The following PTPRN2 variants were observed in gnomAD, a reference collection of about 807,000 sequenced individuals.
The protein encoded by PTPRN2 is receptor-type tyrosine-protein phosphatase N2.
Under a neutral mutation model 118.8 loss-of-function variants are expected in PTPRN2, and 74 were observed. The observed-to-expected ratio is 0.62, with a 90% confidence interval of 0.52 to 0.76. The LOEUF (loss-of-function observed/expected upper bound fraction) is 0.76, where lower values mean the gene tolerates loss of function less well. Among genes scored for constraint, PTPRN2 ranks in the 30% least tolerant of loss-of-function variants. The probability of loss-of-function intolerance (pLI) is 0.00; values close to 1 mark genes in which losing one functional copy is unlikely to be tolerated. For synonymous variants in PTPRN2, 641 were observed against 608.0 expected (o/e 1.05, Z -0.80); for missense variants, 1,481 against 1,394.4 (o/e 1.06, Z -0.99).
chr7:158,417,956 C>T (rs112622317), intron 2 of PTPRN2, among the ~76,000 whole-genome samples: 18 of 149,844 alleles, frequency 1.2e-4, no homozygotes, highest in African/African-American at 4.2e-4. Flanking sequence ...TGTACTACAT[C>T]GAGATGCTCT....
At chr7:158,263,040 A>AC in intron 3 of PTPRN2, among the ~76,000 whole-genome samples, 1 of 147,988 alleles carries the variant, frequency 6.8e-6, no homozygotes, top group Admixed American at 6.8e-5. Context: ...CATATTCACA[A>AC]AATGCACATA....
intron 1 of PTPRN2, among the ~76,000 whole-genome samples, chr7:158,515,187 AT>A (rs56906268): frequency 0.057 from 7,859 of 138,962 alleles, 538 homozygotes; most frequent in African/African-American, 0.17. Flanking sequence ...CAGTGAGTGT[AT>A]TTTTTTTTTT....
At chr7:157,732,113 C>G in intron 12 of PTPRN2, among the ~76,000 whole-genome samples, 1 of 93,356 alleles carries the variant, frequency 1.1e-5, no homozygotes, top group Non-Finnish European at 2.3e-5. Flanking sequence ...ACGCGCCCAG[C>G]ACAGTTACTC....
chr7:157,572,753 C>T lies in PTPRN2; in HGVS notation c.2784-1260G>A, dbSNP rs148283546. ...GGCGTGCCCACCTGCAGATGGGCCG[C>T]GGCCACAGCCTAGCCAGGACGCACT... is the stretch of plus-strand genomic sequence containing the variant. On this transcript the variant is annotated intron_variant, in intron 19 of 22. Coordinates refer to ENST00000389418, the MANE Select transcript of PTPRN2 (RefSeq NM_002847.5). Among the ~76,000 whole-genome samples, 169 of 152,376 alleles carry T rather than the reference C, an allele frequency of 1.1e-3. 1 individual carries two copies. In the East Asian group the frequency reaches 0.028, roughly 26 times the overall value.
rs113128714 is a variant in PTPRN2 at position 158,264,244 on chromosome 7, C to T, written c.277+52575G>A. ...GAAAATGTCGTGGTAGAAATAAAAC[C>T]ATGCAATTCAGTAGGGGAAATAAAA... is the stretch of plus-strand genomic sequence containing the variant. On this transcript the variant is annotated intron_variant, in intron 3 of 22. Transcript: ENST00000389418. Among the ~76,000 whole-genome samples the T allele has an allele frequency of 8.9e-3, 1,354 of 152,276 alleles. 25 individuals carry two copies. Among genetic ancestry groups the T allele is most frequent in the African/African-American group, 0.031 (1,274 of 41,546 alleles).
chr7:158,252,646 ACCACG>A (rs1332781075), intron 3 of PTPRN2, among the ~76,000 whole-genome samples: 1 of 152,208 alleles, frequency 6.6e-6, no homozygotes, highest in Admixed American at 6.5e-5. Flanking sequence ...CAGGGAAGCC[ACCACG>A]CCAGCTGCAC....
intron 10 of PTPRN2, among the ~76,000 whole-genome samples, chr7:158,091,744 A>G (rs1335978705): frequency 2.5e-5 from 3 of 117,946 alleles, no homozygotes; most frequent in East Asian, 2.8e-4. Context: ...GGGTGGGTGA[A>G]AGATAGGTGA....
At chr7:157,989,842 G>C (rs923118049) in intron 11 of PTPRN2, among the ~76,000 whole-genome samples, 3 of 152,216 alleles carry the variant, frequency 2.0e-5, no homozygotes, top group Admixed American at 6.5e-5. Context: ...TCCCCCGCCT[G>C]CTGGCTGTGT....
chr7:157,853,905 A>T (rs934618273), intron 12 of PTPRN2, among the ~76,000 whole-genome samples: 6 of 152,106 alleles, frequency 3.9e-5, no homozygotes, highest in African/African-American at 1.4e-4. Context: ...GGGGGTCCTT[A>T]TCAAAGGCGG....
intron 12 of PTPRN2, among the ~76,000 whole-genome samples, chr7:157,703,431 G>C (rs1798176356): frequency 6.6e-6 from 1 of 152,186 alleles, no homozygotes; most frequent in African/African-American, 2.4e-5. Context: ...ACAGCCTATA[G>C]GGACGCAGCT....
intron 11 of PTPRN2, among the ~76,000 whole-genome samples, chr7:157,911,146 G>A (rs1482632415): frequency 6.6e-6 from 1 of 152,214 alleles, no homozygotes. Flanking sequence ...CGGTCTCCGT[G>A]CTATCGTGAA....
intron 11 of PTPRN2, among the ~76,000 whole-genome samples, chr7:158,073,068 G>A (rs1161517039): frequency 6.6e-6 from 1 of 152,160 alleles, no homozygotes. Context: ...GGCTGTAGCT[G>A]AGGCAGGATC....
At chr7:157,707,965 A>G (rs1252000492) in intron 12 of PTPRN2, among the ~76,000 whole-genome samples, 3 of 152,254 alleles carry the variant, frequency 2.0e-5, no homozygotes, top group Non-Finnish European at 4.4e-5. Flanking sequence ...ACTCTCAAAA[A>G]TAAAGTCCTT....
chr7:157,753,102 C>T (rs535144137), intron 12 of PTPRN2, among the ~76,000 whole-genome samples: 9 of 152,202 alleles, frequency 5.9e-5, no homozygotes, highest in Non-Finnish European at 1.0e-4. Flanking sequence ...TCCAGGCCTG[C>T]GTGCAGGGGG....
At chr7:158,459,395 G>A (rs1818790891) in intron 2 of PTPRN2, among the ~76,000 whole-genome samples, 1 of 150,650 alleles carries the variant, frequency 6.6e-6, no homozygotes, top group Admixed American at 6.6e-5. Flanking sequence ...CCAGAATCCA[G>A]AGCCCTCGCC....
intron 3 of PTPRN2, among the ~76,000 whole-genome samples, chr7:158,248,068 G>C (rs1796375603): frequency 6.6e-6 from 1 of 152,148 alleles, no homozygotes; most frequent in Non-Finnish European, 1.5e-5. Context: ...AAGAATTAGA[G>C]ACTCCTTGAA....
At chr7:157,979,703 T>C (rs536923017) in intron 11 of PTPRN2, among the ~76,000 whole-genome samples, 1 of 152,296 alleles carries the variant, frequency 6.6e-6, no homozygotes, top group Non-Finnish European at 1.5e-5. Context: ...AACGCCTGCT[T>C]ATGTATTCTG....
intron 3 of PTPRN2, among the ~76,000 whole-genome samples, chr7:158,222,094 C>T (rs760605697): frequency 6.6e-5 from 10 of 152,088 alleles, no homozygotes; most frequent in Admixed American, 6.5e-5. Context: ...GACAAGGTTG[C>T]AGAGAACAGG....
At chr7:158,155,320 C>A (rs1821605904) in intron 6 of PTPRN2, among the ~76,000 whole-genome samples, 1 of 152,206 alleles carries the variant, frequency 6.6e-6, no homozygotes, top group Non-Finnish European at 1.5e-5. Context: ...ATTGTTTTCA[C>A]AAAGACAATG....
Sources: gnomAD v4.1 joint callset for allele counts (sites outside exome capture counted in the v4.1 genomes callset) on GRCh38, gnomAD v4.1.1 for gene constraint, MANE v1.5 for transcripts, NCBI Gene and HGNC (gene_info 2026-07-23, HGNC 2026-07-21) for gene names.